The following SNX7 variants were observed in gnomAD, a reference collection of about 807,000 sequenced individuals.
SNX7 encodes the protein sorting nexin-7.
In SNX7, 35 loss-of-function variants were observed where a neutral mutation model predicts 48.4. The ratio of observed to expected loss-of-function variants is 0.72; its 90% CI spans 0.55 to 0.96. SNX7 has a LOEUF of 0.96. Ranked by LOEUF, SNX7 falls within the 40% of genes least tolerant of loss-of-function variation. The pLI, the probability that SNX7 is intolerant of heterozygous loss-of-function variation, is 0.00. For synonymous variants in SNX7, 190 were observed against 190.2 expected, an observed-to-expected ratio of 1.00 and a Z score of 0.01; for missense variants, 553 against 548.9, an observed-to-expected ratio of 1.01 and a Z score of -0.07.
chr1:98,667,097 G>T (rs1649574606), intron 1 of SNX7, among the ~76,000 whole-genome samples: 1 of 152,194 alleles, frequency 6.6e-6, no homozygotes, highest in Non-Finnish European at 1.5e-5. Flanking sequence ...CTGAATTCCT[G>T]CATAAACCAG....
chr1:98,744,047 A>G (rs561020400), intron 8 of SNX7, among the ~76,000 whole-genome samples: 1 of 152,134 alleles, frequency 6.6e-6, no homozygotes, highest in African/African-American at 2.4e-5. Flanking sequence ...GAAAGGAGCA[A>G]TGAGGGGAAT....
chr1:98,674,004 A>G (rs183765176), intron 1 of SNX7, among the ~76,000 whole-genome samples: 3 of 152,306 alleles, frequency 2.0e-5, no homozygotes, highest in East Asian at 1.9e-4. Flanking sequence ...ACTGGTTTCT[A>G]TCTTTGAGGA....
chr1:98,684,432 G>T (rs1650670015), intron 1 of SNX7, among the ~76,000 whole-genome samples: 1 of 152,152 alleles, frequency 6.6e-6, no homozygotes, highest in Non-Finnish European at 1.5e-5. Flanking sequence ...CTTCAAGATG[G>T]TGTGTGTCTT....
intron 1 of SNX7, chr1:98,662,954 C>A: frequency 6.8e-6 from 5 of 735,286 alleles, no homozygotes; most frequent in Non-Finnish European, 9.5e-6. Flanking sequence ...GAATGATAGG[C>A]CCAGGTTTGT....
chr1:98,706,260 A>T (rs1181251820), intron 7 of SNX7, among the ~76,000 whole-genome samples: 2 of 152,156 alleles, frequency 1.3e-5, no homozygotes, highest in African/African-American at 4.8e-5. Context: ...CAGAGTGTTG[A>T]GGAGCAGTGC....
chr1:98,705,979 G>C (rs1026534164), intron 7 of SNX7, among the ~76,000 whole-genome samples: 2 of 152,096 alleles, frequency 1.3e-5, no homozygotes, highest in African/African-American at 4.8e-5. Flanking sequence ...AGGGCAGATC[G>C]TGGCTCTCTA....
chr1:98,703,258 C>G (rs997259960), intron 7 of SNX7, among the ~76,000 whole-genome samples: 11 of 152,188 alleles, frequency 7.2e-5, no homozygotes, highest in Non-Finnish European at 1.3e-4. Context: ...CATGAAGTCT[C>G]TACAAAATCA....
chr1:98,682,734 A>C (rs535246561), intron 1 of SNX7, among the ~76,000 whole-genome samples: 2 of 152,198 alleles, frequency 1.3e-5, no homozygotes, highest in African/African-American at 4.8e-5. Flanking sequence ...ATGAAATGTC[A>C]TGGTGATGGA....
intron 1 of SNX7, chr1:98,662,346 T>A (rs768204654): frequency 1.2e-5 from 2 of 162,202 alleles, no homozygotes; most frequent in Non-Finnish European, 1.3e-5. Flanking sequence ...GAAATTATTC[T>A]TAATTTAGTG....
At chr1:98,734,122 T>C (rs1464596199) in intron 7 of SNX7, among the ~76,000 whole-genome samples, 1 of 152,124 alleles carries the variant, frequency 6.6e-6, no homozygotes, top group East Asian at 1.9e-4. Flanking sequence ...GTTGTGTTCA[T>C]ATCATACCCT....
rs186059736 is a variant in SNX7 at position 98,681,432 on chromosome 1, G to A, written c.181-3453G>A. ...ACATAGCAAGACCTTATCACTATAAGATATTTTTTAAAGCAGTAGAAGAAT... is the reference window on the plus strand; with the variant it reads ...ACATAGCAAGACCTTATCACTATAAAATATTTTTTAAAGCAGTAGAAGAAT... On this transcript the variant is annotated intron_variant, in intron 1 of 8. Transcript: ENST00000306121. Among the ~76,000 whole-genome samples, 393 of 152,196 alleles carry A rather than the reference G, an allele frequency of 2.6e-3. 3 individuals carry two copies. The highest frequency in any genetic ancestry group is 7.1e-3 in the Admixed American group (108 of 15,288).
At chr1:98,675,657 T>C (rs946494820) in intron 1 of SNX7, among the ~76,000 whole-genome samples, 5 of 152,172 alleles carry the variant, frequency 3.3e-5, no homozygotes, top group African/African-American at 1.2e-4. Flanking sequence ...GTCAGTAAAA[T>C]ACAAAGTACG....
intron 8 of SNX7, among the ~76,000 whole-genome samples, chr1:98,756,539 G>A (rs1222102271): frequency 7.0e-6 from 1 of 141,902 alleles, no homozygotes; most frequent in Non-Finnish European, 1.5e-5. Flanking sequence ...CTGTACTATT[G>A]TAGGCCCTAT....
chr1:98,740,481 G>T (rs1363744169), intron 8 of SNX7, among the ~76,000 whole-genome samples: 1 of 152,038 alleles, frequency 6.6e-6, no homozygotes, highest in Non-Finnish European at 1.5e-5. Context: ...GTATATTAGG[G>T]TATAAAAATC....
chr1:98,676,281 C>T (rs190144171), intron 1 of SNX7, among the ~76,000 whole-genome samples: 140 of 152,076 alleles, frequency 9.2e-4, no homozygotes, highest in African/African-American at 3.3e-3. Flanking sequence ...ATGTTGTATT[C>T]TATCATATGG....
intron 7 of SNX7, among the ~76,000 whole-genome samples, chr1:98,733,258 T>C (rs1653610398): frequency 2.0e-5 from 3 of 152,156 alleles, no homozygotes; most frequent in Non-Finnish European, 4.4e-5. Context: ...GTTAACCTTA[T>C]CAGCAATGCA....
intron 8 of SNX7, among the ~76,000 whole-genome samples, chr1:98,756,059 G>T (rs1654832434): frequency 6.6e-6 from 1 of 151,776 alleles, no homozygotes; most frequent in South Asian, 2.1e-4. Context: ...TCTCTTTGTG[G>T]TGTATTAGAT....
At chr1:98,690,344 G>A (rs778438780) in intron 2 of SNX7, among the ~76,000 whole-genome samples, 2 of 152,002 alleles carry the variant, frequency 1.3e-5, no homozygotes, top group South Asian at 2.1e-4. Context: ...TAGAAATGAG[G>A]TTGATATTGT....
chr1:98,718,132 C>T (rs1440147702), intron 7 of SNX7, among the ~76,000 whole-genome samples: 2 of 152,050 alleles, frequency 1.3e-5, no homozygotes, highest in Non-Finnish European at 2.9e-5. Flanking sequence ...TAAGGCTTCC[C>T]TAACACACTT....
Sources: gnomAD v4.1 joint callset for allele counts (sites outside exome capture counted in the v4.1 genomes callset) on GRCh38, gnomAD v4.1.1 for gene constraint, MANE v1.5 for transcripts, NCBI Gene and HGNC (gene_info 2026-07-23, HGNC 2026-07-21) for gene names.